The following SLC24A2 variants were observed in gnomAD, a reference collection of about 807,000 sequenced individuals.
SLC24A2 encodes the protein solute carrier family 24 member 2.
Under a neutral mutation model 62.0 loss-of-function variants are expected in SLC24A2, and 36 were observed. The ratio of observed to expected loss-of-function variants is 0.58; its 90% CI spans 0.44 to 0.77. The LOEUF is 0.77. SLC24A2 is among the 30% of genes least tolerant of loss of function. The pLI, the probability that SLC24A2 is intolerant of heterozygous loss-of-function variation, is 0.00. For synonymous variants in SLC24A2, 358 were observed against 294.0 expected, an observed-to-expected ratio of 1.22 and a Z score of -2.23; for missense variants, 846 against 817.9, an observed-to-expected ratio of 1.03 and a Z score of -0.42.
At chr9:19,967,944 A>G in the SLC24A2 span, 14 of 152,216 alleles carry the variant, frequency 9.2e-5, no homozygotes, top group African/African-American at 3.4e-4. Context: ...TGGATTTGAA[A>G]TAACTTTTTT....
At chr9:20,214,772 C>T in the SLC24A2 span, among the ~76,000 whole-genome samples, 1 of 152,138 alleles carries the variant, frequency 6.6e-6, no homozygotes, top group Non-Finnish European at 1.5e-5. Flanking sequence ...ACTGTGTTCA[C>T]CATAAGCATC....
At chr9:20,258,839 A>G in the SLC24A2 span, among the ~76,000 whole-genome samples, 8 of 144,598 alleles carry the variant, frequency 5.5e-5, no homozygotes, top group South Asian at 7.1e-4. Context: ...CTATCTGTCT[A>G]TCTATCTATC....
At chr9:19,569,815 C>T (rs1835787373) in intron 7 of SLC24A2, among the ~76,000 whole-genome samples, 1 of 152,256 alleles carries the variant, frequency 6.6e-6, no homozygotes, top group East Asian at 1.9e-4. Flanking sequence ...CCTTCCACTC[C>T]TCTCTCTCCA....
chr9:19,684,249 T>C (rs1434377555), intron 2 of SLC24A2, among the ~76,000 whole-genome samples: 1 of 152,082 alleles, frequency 6.6e-6, no homozygotes, highest in Non-Finnish European at 1.5e-5. Context: ...TGGTTTGTTC[T>C]AAAAGAGGCA....
chr9:19,725,911 G>T (rs1821155252), intron 2 of SLC24A2, among the ~76,000 whole-genome samples: 1 of 152,172 alleles, frequency 6.6e-6, no homozygotes, highest in African/African-American at 2.4e-5. Flanking sequence ...AGACTTGAAA[G>T]AAAAACCCAA....
At chr9:19,868,678 A>G in the SLC24A2 span, among the ~76,000 whole-genome samples, 1 of 152,040 alleles carries the variant, frequency 6.6e-6, no homozygotes, top group Admixed American at 6.6e-5. Context: ...TATAATTGCT[A>G]TATCTTCCTA....
the SLC24A2 span, among the ~76,000 whole-genome samples, chr9:20,096,748 C>A: frequency 3.6e-5 from 5 of 139,522 alleles, no homozygotes; most frequent in South Asian, 2.4e-4. Flanking sequence ...ATTGAATATT[C>A]TTTTTTTTAA....
At chr9:19,531,965 T>C (rs1833730541) in intron 8 of SLC24A2, among the ~76,000 whole-genome samples, 1 of 152,216 alleles carries the variant, frequency 6.6e-6, no homozygotes, top group Non-Finnish European at 1.5e-5. Flanking sequence ...GTCATGCCCT[T>C]GTATTCATGA....
rs531931099 is a variant in SLC24A2, at chr9:19,780,979, A to G, written c.930+4958T>C. On this transcript the variant is annotated intron_variant, in intron 2 of 10. Coordinates refer to ENST00000341998, the MANE Select transcript of SLC24A2 (RefSeq NM_020344.4). ...AGGCAAGAAAAAATTCTAAAAAGAA[A>G]CAGAAAGGCCAAAATAAATAGAAAG... Among the ~76,000 whole-genome samples the G allele has an allele frequency of 3.7e-3, 565 of 152,206 alleles. 2 individuals carry two copies. Among genetic ancestry groups the G allele is most frequent in the Admixed American group, 8.6e-3 (132 of 15,284 alleles).
At chr9:20,258,865 T>TATCC in the SLC24A2 span, among the ~76,000 whole-genome samples, 31,550 of 140,084 alleles carry the variant, frequency 0.23, 3,852 homozygotes, top group African/African-American at 0.32. Flanking sequence ...AATGTCTATC[T>TATCC]ATCCATCCAT....
At chr9:20,285,395 CAATTT>C in the SLC24A2 span, among the ~76,000 whole-genome samples, 1 of 152,148 alleles carries the variant, frequency 6.6e-6, no homozygotes, top group Non-Finnish European at 1.5e-5. Flanking sequence ...CCAAGGAAGG[CAATTT>C]AATTCTAGTC....
At chr9:19,680,246 C>T (rs926362605) in intron 2 of SLC24A2, among the ~76,000 whole-genome samples, 1 of 152,092 alleles carries the variant, frequency 6.6e-6, no homozygotes, top group African/African-American at 2.4e-5. Context: ...AAGAGGTGTC[C>T]CTTCAGCTGA....
the SLC24A2 span, among the ~76,000 whole-genome samples, chr9:20,017,717 T>C: frequency 1.3e-5 from 2 of 152,138 alleles, no homozygotes; most frequent in Non-Finnish European, 2.9e-5. Context: ...CAAGTGCTGA[T>C]TGGACACTGC....
intron 10 of SLC24A2, among the ~76,000 whole-genome samples, chr9:19,518,554 TGGGAC>T (rs1833047188): frequency 6.6e-6 from 1 of 151,954 alleles, no homozygotes; most frequent in Non-Finnish European, 1.5e-5. Flanking sequence ...CCCGAGTAGC[TGGGAC>T]TGCAGGCGCA....
intron 7 of SLC24A2, among the ~76,000 whole-genome samples, chr9:19,562,545 G>T (rs879459228): frequency 5.3e-5 from 8 of 152,044 alleles, no homozygotes; most frequent in Non-Finnish European, 1.2e-4. Context: ...GTGTTGAAAG[G>T]CCTCTGAGTG....
chr9:19,636,335 C>CTTTCTTTCTTTCTTTG (rs1564009863), intron 2 of SLC24A2, among the ~76,000 whole-genome samples: 23 of 24,056 alleles, frequency 9.6e-4, no homozygotes, highest in Non-Finnish European at 1.5e-3. Context: ...TTCTTTCTTT[C>CTTTCTTTCTTTCTTTG]TTTCTTTCTT....
chr9:19,680,418 G>C (rs1197316441), intron 2 of SLC24A2, among the ~76,000 whole-genome samples: 2 of 152,184 alleles, frequency 1.3e-5, no homozygotes, highest in East Asian at 3.9e-4. Flanking sequence ...CTGAGGTCAG[G>C]GATGAAAATG....
the SLC24A2 span, among the ~76,000 whole-genome samples, chr9:19,891,749 A>G: frequency 7.0e-4 from 107 of 152,250 alleles, no homozygotes; most frequent in Non-Finnish European, 3.8e-4. Context: ...CTGTCTCTAA[A>G]AAAACCAATA....
At chr9:19,850,179 A>G in the SLC24A2 span, among the ~76,000 whole-genome samples, 2 of 152,286 alleles carry the variant, frequency 1.3e-5, no homozygotes, top group Admixed American at 1.3e-4. Context: ...AGCAGTCATC[A>G]TAATAGTTAA....
Sources: allele counts gnomAD v4.1 joint callset (sites outside exome capture counted in the v4.1 genomes callset), GRCh38; gene constraint gnomAD v4.1.1; transcripts MANE v1.5; gene names NCBI Gene and HGNC (gene_info 2026-07-23, HGNC 2026-07-21).